ATG4B: variants seen among roughly 807,000 people sequenced by gnomAD.
ATG4B encodes the protein autophagy related 4B cysteine peptidase, also known as cysteine protease ATG4B.
ATG4B carries 29 observed loss-of-function variants against 56.6 expected under a neutral mutation model. The ratio of observed to expected loss-of-function variants is 0.51; its 90% confidence interval spans 0.38 to 0.70. The LOEUF (loss-of-function observed/expected upper bound fraction) is 0.70. ATG4B is among the 30% of genes least tolerant of loss of function. The pLI, the probability that ATG4B is intolerant of heterozygous loss-of-function variation, is 0.00. For synonymous variants in ATG4B, 224 were observed against 206.1 expected (o/e 1.09, Z -0.74); for missense variants, 461 against 515.5 (o/e 0.89, Z 1.02).
rs769012794 is a variant in ATG4B, at chr2:241,671,527, G to A, written c.1108+122G>A. The A allele has an allele frequency of 1.6e-5, 25 of 1,545,118 alleles. No homozygotes were observed. The African/African-American group carries it at 3.3e-4, about 20-fold the overall frequency. On this transcript the variant is annotated intron_variant, in intron 12 of 12. Coordinates refer to ENST00000404914, the MANE Select transcript of ATG4B (RefSeq NM_013325.5). ...GTGTGAGCCTGAGCCGTGAGCACTT[G>A]GCAGTGGTTCGCCTGTGAGACCAGG... is the stretch of plus-strand genomic sequence containing the variant.
intron 12 of ATG4B, 89 bp from the exon 13 acceptor site, chr2:241,672,102 T>C: frequency 6.5e-7 from 1 of 1,527,268 alleles, no homozygotes; most frequent in Non-Finnish European, 8.8e-7. Flanking sequence ...GAGCAGGCAC[T>C]GCTCAGTCTG....
chr2:241,673,125 G>T lies in ATG4B; in HGVS notation c.*861G>T. 1 of 190,222 alleles carries T rather than the reference G, an allele frequency of 5.3e-6. No individual in the cohort carries two copies. The highest frequency in any genetic ancestry group is 1.1e-5 in the Non-Finnish European group (1 of 89,572). 11.8% of individuals were successfully genotyped at this position (190,222 alleles called of 1,614,324 possible). On this transcript the variant is annotated 3_prime_UTR_variant, in exon 13 of 13. Transcript: ENST00000404914. ...TCCCAGGAGCCTTCCCCATGTCCTTGCCTTGCTGAGAATTGCCCTCCCATG... is the reference window on the plus strand; with the variant it reads ...TCCCAGGAGCCTTCCCCATGTCCTTTCCTTGCTGAGAATTGCCCTCCCATG...
Position 241,662,799 on chromosome 2 carries a change from G to A in ATG4B, c.538+3612G>A, listed in dbSNP as rs572357059. Among the ~76,000 whole-genome samples, 15 of 152,008 alleles carry A rather than the reference G, an allele frequency of 9.9e-5. No homozygotes were observed. The South Asian group carries it at 2.1e-3, about 21-fold the overall frequency. ...AACTTCAAAATCAATAAAGCGGGCC[G>A]GGCGCGGTGGCTCACGCCTATAATC... On this transcript the variant is annotated intron_variant, in intron 7 of 12. Coordinates refer to ENST00000404914, the MANE Select transcript of ATG4B (RefSeq NM_013325.5).
intron 6 of ATG4B, among the ~76,000 whole-genome samples, chr2:241,657,904 T>C (rs2125131726): frequency 6.6e-6 from 1 of 152,306 alleles, no homozygotes; most frequent in Non-Finnish European, 1.5e-5. Context: ...GCATGACACG[T>C]TGTGCTCCTG....
rs1304167114 is a variant in ATG4B, at chr2:241,651,845, C to G, written c.184+510C>G. 4.8e-6 allele frequency: 6 copies of G among 1,251,796 alleles called. No individual in the cohort carries two copies. In the South Asian group the frequency reaches 7.5e-5, roughly 16 times the overall value. 77.5% of individuals were successfully genotyped at this position (1,251,796 alleles called of 1,614,324 possible). Reference sequence around the variant, plus strand: ...GATTTGAAGGGCCAGGTGAATGTGACATGTTTTTATGTAACACTAAGGTGC... The same window carrying G: ...GATTTGAAGGGCCAGGTGAATGTGAGATGTTTTTATGTAACACTAAGGTGC... On this transcript the variant is annotated intron_variant, in intron 3 of 12. Coordinates refer to ENST00000404914, the MANE Select transcript of ATG4B (RefSeq NM_013325.5). The surrounding 1 kb of genome is among the most constrained non-coding windows in gnomAD (Gnocchi z 4.1).
Position 241,671,403 on chromosome 2 carries a change from T to C in ATG4B, c.1106T>C (p.Leu369Pro), listed in dbSNP as rs768193380. ...LACPDVLNLS[L>P]DSSDVERLER... ...TGCCCCGACGTCCTGAACCTGTCCCTAGGTGAGAGCTGCCAAGTCCAGGTG... is the reference window on the plus strand; with the variant it reads ...TGCCCCGACGTCCTGAACCTGTCCCCAGGTGAGAGCTGCCAAGTCCAGGTG... Residue 369 changes from leucine (L) to proline (P), a missense_variant and splice_region_variant, in exon 12 of 13, where the codon CTA (leucine) becomes CCA (proline). By Grantham distance (98) the Leu-to-Pro change is moderately conservative. Transcript: ENST00000404914. 6.2e-7 allele frequency: 1 copy of C among 1,613,400 alleles called. No homozygotes were observed. Among genetic ancestry groups the C allele is most frequent in the East Asian group, 2.2e-5 (1 of 44,876 alleles).
At chr2:241,666,417 A>G (rs1331051759) in intron 7 of ATG4B, among the ~76,000 whole-genome samples, 1 of 152,214 alleles carries the variant, frequency 6.6e-6, no homozygotes, top group East Asian at 1.9e-4. Context: ...ATTTCACAAT[A>G]AAACTCTTGA....
chr2:241,669,086 C>T (rs1047563335), intron 10 of ATG4B, among the ~76,000 whole-genome samples: 2 of 151,686 alleles, frequency 1.3e-5, no homozygotes, highest in African/African-American at 2.4e-5. Context: ...ACGGGCGGCC[C>T]CTCCACCCAC....
intron 1 of ATG4B, among the ~76,000 whole-genome samples, chr2:241,645,777 G>A (rs1277846148): frequency 6.6e-6 from 1 of 152,112 alleles, no homozygotes; most frequent in Non-Finnish European, 1.5e-5. Context: ...GGAGAAGCAA[G>A]GGATCATGTT....
chr2:241,653,990 GAAAAAAAAAA>G (rs34757883), intron 4 of ATG4B, among the ~76,000 whole-genome samples: 7 of 72,912 alleles, frequency 9.6e-5, no homozygotes, highest in South Asian at 4.9e-4. Context: ...GACCCTATCT[GAAAAAAAAAA>G]AAAAAAAAAA....
chr2:241,650,976 G>T, intron 1 of ATG4B, 34 bp from the exon 2 acceptor site: 1 of 1,545,176 alleles, frequency 6.5e-7, no homozygotes. Context: ...GAAATTATAA[G>T]TGTCTGATGA....
intron 4 of ATG4B, among the ~76,000 whole-genome samples, chr2:241,654,184 A>G (rs915464624): frequency 6.6e-6 from 1 of 152,064 alleles, no homozygotes; most frequent in Non-Finnish European, 1.5e-5. Flanking sequence ...GCACTTTGGG[A>G]TGCCGAGGCG....
At chr2:241,656,853 G>A (rs953483578) in intron 6 of ATG4B, among the ~76,000 whole-genome samples, 1 of 152,226 alleles carries the variant, frequency 6.6e-6, no homozygotes. Flanking sequence ...TCGCTCTGTC[G>A]CCAGGCTGGA....
chr2:241,668,919 G>C lies in ATG4B; in HGVS notation c.957+234G>C. The C allele has an allele frequency of 1.7e-6, 1 of 601,604 alleles. No individual in the cohort carries two copies. The highest frequency in any genetic ancestry group is 2.9e-6 in the Non-Finnish European group (1 of 348,782). The allele number at this position is 601,604 out of a possible 1,614,324, so 37.3% of individuals were successfully genotyped here. A position where few individuals can be genotyped will look rare whatever the true frequency, so the allele number is the denominator to read the frequency against. ...CTTCATGGCCTTCGAGTGGCCCAGAGAGCGTGTGTCTGGATGTGAGCGTGT... is the reference window on the plus strand; with the variant it reads ...CTTCATGGCCTTCGAGTGGCCCAGACAGCGTGTGTCTGGATGTGAGCGTGT... On this transcript the variant is annotated intron_variant, in intron 10 of 12. Coordinates refer to ENST00000404914, the MANE Select transcript of ATG4B (RefSeq NM_013325.5). This position sits in a 1 kb window ranked among gnomAD's most constrained non-coding sequence, Gnocchi z 4.2.
At chr2:241,643,616 A>G (rs77289808) in intron 1 of ATG4B, among the ~76,000 whole-genome samples, 21,362 of 148,746 alleles carry the variant, frequency 0.14, 1,816 homozygotes, top group East Asian at 0.34. Context: ...ATATATACGT[A>G]TATATACACA....
At chr2:241,662,969 C>G (rs1485136480) in intron 7 of ATG4B, among the ~76,000 whole-genome samples, 1 of 152,182 alleles carries the variant, frequency 6.6e-6, no homozygotes, top group East Asian at 1.9e-4. Context: ...GGCGCGGTGG[C>G]TCACGCCTAT....
chr2:241,643,589 C>T (rs2067967574), intron 1 of ATG4B, among the ~76,000 whole-genome samples: 1 of 147,732 alleles, frequency 6.8e-6, no homozygotes, highest in Non-Finnish European at 1.5e-5. Flanking sequence ...TATATATGTA[C>T]ATATATATAT....
intron 3 of ATG4B, chr2:241,653,168 T>G: frequency 1.7e-6 from 1 of 578,410 alleles, no homozygotes. Flanking sequence ...ATTTCTGCCT[T>G]TCTGATAATT....
chr2:241,642,087 A>G (rs2067907385), intron 1 of ATG4B, among the ~76,000 whole-genome samples: 1 of 151,776 alleles, frequency 6.6e-6, no homozygotes, highest in African/African-American at 2.4e-5. Context: ...CCTACTATCA[A>G]AGCTTTCAGT....
Sources: allele counts gnomAD v4.1 joint callset (sites outside exome capture counted in the v4.1 genomes callset), GRCh38; gene constraint gnomAD v4.1.1; non-coding constraint Gnocchi (gnomAD v3.1); transcripts MANE v1.5; gene names NCBI Gene and HGNC (gene_info 2026-07-23, HGNC 2026-07-21).